The following C1orf21 variants were observed in gnomAD, a reference collection of about 807,000 sequenced individuals.
C1orf21 encodes the protein uncharacterized protein C1orf21.
Under a neutral mutation model 18.7 loss-of-function variants are expected in C1orf21, and 3 were observed. The ratio of observed to expected loss-of-function variants is 0.16; its 90% CI spans 0.07 to 0.42. The LOEUF (loss-of-function observed/expected upper bound fraction) is 0.42. Ranked by LOEUF, C1orf21 falls within the 10% of genes least tolerant of loss-of-function variation. The pLI, the probability that C1orf21 is intolerant of heterozygous loss-of-function variation, is 0.99. For synonymous variants in C1orf21, 41 were observed against 46.4 expected (o/e 0.88, Z 0.47); for missense variants, 104 against 143.6 (o/e 0.72, Z 1.41).
chr1:184,433,909 A>T (rs534952204), intron 1 of C1orf21, among the ~76,000 whole-genome samples: 2 of 152,142 alleles, frequency 1.3e-5, no homozygotes, highest in South Asian at 2.1e-4. Context: ...TGCCTGAGAA[A>T]TTCCAGTCCT....
At chr1:184,531,650 AT>A (rs962120376) in intron 3 of C1orf21, among the ~76,000 whole-genome samples, 6 of 151,514 alleles carry the variant, frequency 4.0e-5, no homozygotes, top group Non-Finnish European at 5.9e-5. Flanking sequence ...TTAGGGCCAG[AT>A]TTTTTTTTCC....
chr1:184,446,309 T>C (rs1046365400), intron 1 of C1orf21, among the ~76,000 whole-genome samples: 1 of 152,158 alleles, frequency 6.6e-6, no homozygotes, highest in Non-Finnish European at 1.5e-5. Context: ...ATTTTATTTC[T>C]ATTCCTTTTC....
At chr1:184,592,653 A>T (rs1217095907) in intron 4 of C1orf21, among the ~76,000 whole-genome samples, 2 of 152,162 alleles carry the variant, frequency 1.3e-5, no homozygotes, top group African/African-American at 4.8e-5. Flanking sequence ...TTTGACTATT[A>T]CATATGTGTA....
At chr1:184,411,593 T>A (rs1405494382) in intron 1 of C1orf21, among the ~76,000 whole-genome samples, 1 of 152,072 alleles carries the variant, frequency 6.6e-6, no homozygotes, top group Non-Finnish European at 1.5e-5. Context: ...GGCTATTTTT[T>A]TTGTATTTTT....
chr1:184,568,665 A>G (rs1659067382), intron 3 of C1orf21, among the ~76,000 whole-genome samples: 1 of 152,222 alleles, frequency 6.6e-6, no homozygotes. Context: ...AACTCAGCTT[A>G]AAAGTGATGG....
intron 3 of C1orf21, among the ~76,000 whole-genome samples, chr1:184,560,599 G>A (rs1314216746): frequency 1.3e-5 from 2 of 152,104 alleles, no homozygotes; most frequent in African/African-American, 4.8e-5. Flanking sequence ...TCATTGTTAG[G>A]TACCTTTTCT....
intron 3 of C1orf21, among the ~76,000 whole-genome samples, chr1:184,517,603 CCTT>C (rs575096772): frequency 2.4e-4 from 36 of 152,278 alleles, no homozygotes; most frequent in Admixed American, 1.0e-3. Context: ...CTCACTCTCT[CCTT>C]CTAGGGACAG....
chr1:184,511,405 T>C (rs1341128623), intron 3 of C1orf21, among the ~76,000 whole-genome samples: 1 of 152,150 alleles, frequency 6.6e-6, no homozygotes, highest in East Asian at 1.9e-4. Context: ...TTCAGGGTAC[T>C]ATGTGAAAAT....
chr1:184,617,454 T>TCC (rs1659845701), intron 5 of C1orf21, among the ~76,000 whole-genome samples: 4 of 152,216 alleles, frequency 2.6e-5, no homozygotes, highest in South Asian at 2.1e-4. Context: ...ATGTGTCTTG[T>TCC]TCCCCAGATT....
intron 2 of C1orf21, among the ~76,000 whole-genome samples, chr1:184,484,892 G>GTT (rs1392805730): frequency 7.5e-4 from 69 of 91,660 alleles, no homozygotes; most frequent in African/African-American, 2.4e-3. Flanking sequence ...GGCTGTGTGT[G>GTT]TGTGTGTGTG....
chr1:184,472,689 A>G (rs1037201044), intron 1 of C1orf21, among the ~76,000 whole-genome samples: 20 of 152,182 alleles, frequency 1.3e-4, no homozygotes, highest in African/African-American at 4.3e-4. Context: ...TTCTAGTTAA[A>G]AAAAACTAAG....
chr1:184,540,324 A>G (rs1472830811), intron 3 of C1orf21, among the ~76,000 whole-genome samples: 1 of 152,226 alleles, frequency 6.6e-6, no homozygotes, highest in East Asian at 1.9e-4. Flanking sequence ...GCATCTTAAC[A>G]TAATTTTTAA....
intron 1 of C1orf21, among the ~76,000 whole-genome samples, chr1:184,404,989 T>G (rs1436607217): frequency 6.6e-6 from 1 of 152,188 alleles, no homozygotes; most frequent in African/African-American, 2.4e-5. Flanking sequence ...TGGCTAAGCC[T>G]GTGCAAAACC....
intron 3 of C1orf21, among the ~76,000 whole-genome samples, chr1:184,560,390 A>G (rs920705187): frequency 3.9e-5 from 6 of 152,226 alleles, no homozygotes; most frequent in Non-Finnish European, 2.9e-5. Context: ...CTTTTACAAT[A>G]AACCACTAGA....
At chr1:184,393,267 C>A (rs954062332) in intron 1 of C1orf21, among the ~76,000 whole-genome samples, 4 of 152,216 alleles carry the variant, frequency 2.6e-5, no homozygotes, top group Non-Finnish European at 5.9e-5. Flanking sequence ...ATCTGCCTGA[C>A]AGTAGACTTC....
rs137910820 is a variant in C1orf21 at position 184,579,766 on chromosome 1, G to A, written c.190-10973G>A. On this transcript the variant is annotated intron_variant, in intron 3 of 5. Transcript: ENST00000235307. ...CCTCGTGATCCACCCTCCTCGGCCT[G>A]TCAAAGTGCTGGGATTACAGGCATG... is the stretch of plus-strand genomic sequence containing the variant. Among the ~76,000 whole-genome samples the A allele has an allele frequency of 7.6e-3, 1,153 of 152,026 alleles. 6 individuals are homozygous for A. Among genetic ancestry groups the A allele is most frequent in the Middle Eastern group, 0.02 (6 of 294 alleles).
At chr1:184,486,194 G>A (rs1657730345) in intron 2 of C1orf21, among the ~76,000 whole-genome samples, 1 of 152,164 alleles carries the variant, frequency 6.6e-6, no homozygotes, top group African/African-American at 2.4e-5. Context: ...CTCAAAATAT[G>A]TTAGTTTTAT....
chr1:184,405,559 T>TG (rs1656230910), intron 1 of C1orf21, among the ~76,000 whole-genome samples: 1 of 152,164 alleles, frequency 6.6e-6, no homozygotes, highest in Admixed American at 6.5e-5. Flanking sequence ...CCATTCTTGC[T>TG]ACCCCTACTT....
At chr1:184,419,670 G>A (rs1045798529) in intron 1 of C1orf21, among the ~76,000 whole-genome samples, 1 of 152,088 alleles carries the variant, frequency 6.6e-6, no homozygotes, top group Non-Finnish European at 1.5e-5. Flanking sequence ...GAGCTTAAAG[G>A]ACATAAAATT....
Sources: gnomAD v4.1 joint callset for allele counts (sites outside exome capture counted in the v4.1 genomes callset) on GRCh38, gnomAD v4.1.1 for gene constraint, MANE v1.5 for transcripts, NCBI Gene and HGNC (gene_info 2026-07-23, HGNC 2026-07-21) for gene names.